Variants in AKNA observed in about 807,000 individuals in gnomAD.
AKNA encodes AT-hook transcription factor, also known as microtubule organization protein AKNA.
Under a neutral mutation model 138.8 loss-of-function variants are expected in AKNA, and 67 were observed. That is an observed-to-expected ratio of 0.48 (90% CI 0.40 to 0.59). The LOEUF is 0.59. Ranked by LOEUF, AKNA falls within the 20% of genes least tolerant of loss-of-function variation. The pLI, the probability that AKNA is intolerant of heterozygous loss-of-function variation, is 0.00. For missense variants in AKNA, 1,813 were observed against 1,880.4 expected (o/e 0.96, Z 0.66); for synonymous variants, 737 against 754.4 (o/e 0.98, Z 0.38).
chr9:114,330,802 T>G (rs747324040), downstream of AKNA: 5 of 1,613,776 alleles, frequency 3.1e-6, no homozygotes, highest in African/African-American at 4.0e-5. Flanking sequence ...CCAGAACCAG[T>G]GCTTCTATAA....
intron 11 of AKNA, 71 bp downstream of exon 11, chr9:114,359,523 C>T: frequency 6.2e-7 from 1 of 1,611,676 alleles, no homozygotes; most frequent in Non-Finnish European, 8.5e-7. Context: ...GTCTTATTCA[C>T]TCTGACAGTG....
At chr9:114,355,810 C>T (rs1163100351) in intron 14 of AKNA, 115 bp downstream of exon 14, 2 of 1,147,276 alleles carry the variant, frequency 1.7e-6, no homozygotes, top group African/African-American at 1.6e-5. Flanking sequence ...TCTGTAATTT[C>T]AAATTTCAGT....
chr9:114,351,780 A>C (rs2131853841), intron 14 of AKNA, among the ~76,000 whole-genome samples: 1 of 152,272 alleles, frequency 6.6e-6, no homozygotes, highest in African/African-American at 2.4e-5. Context: ...GCAGTGAGCC[A>C]TAATGGCGAC....
rs1192673341 is a variant in AKNA, at chr9:114,360,040, G to T, written c.2147C>A (p.Ala716Asp). The change falls in exon 10 of 22, where the codon GCC becomes GAC. Residue 716 changes from alanine to aspartate, a missense_variant. By Grantham distance (126) the Ala-to-Asp change is moderately radical. Coordinates refer to ENST00000374088, the MANE Select transcript of AKNA (RefSeq NM_001317950.2). ...GTGCAATGGGCAGGGGCCAGTGCTGGCGGCGGCAGTGGTGGTAGCAGGCTG... is the reference window on the plus strand; with the variant it reads ...GTGCAATGGGCAGGGGCCAGTGCTGTCGGCGGCAGTGGTGGTAGCAGGCTG... The part of the protein sequence containing the change: ...CPEPATTTAA[A>D]STGPCPLHVN... 2 of 1,614,230 alleles carry T rather than the reference G, an allele frequency of 1.2e-6. No homozygotes were observed. The highest frequency in any genetic ancestry group is 1.7e-6 in the Non-Finnish European group (2 of 1,180,046).
In AKNA at chr9:114,352,156, G is replaced by T. The variant is rs538438148; in HGVS notation, c.3059-1135C>A. ...GTGGTGATGGAACGTTCTGTATCTTGACTGCATCAATGTCAACATCTGGCT... is the reference window on the plus strand; with the variant it reads ...GTGGTGATGGAACGTTCTGTATCTTTACTGCATCAATGTCAACATCTGGCT... On this transcript the variant is annotated intron_variant, in intron 14 of 21. Coordinates refer to ENST00000374088, the MANE Select transcript of AKNA (RefSeq NM_001317950.2). Among the ~76,000 whole-genome samples, 19 of 152,292 alleles carry T rather than the reference G, an allele frequency of 1.2e-4. No individual in the cohort carries two copies. The East Asian group carries it at 3.3e-3, about 26-fold the overall frequency.
chr9:114,333,927 G>A (rs1220159603), downstream of AKNA, among the ~76,000 whole-genome samples: 1 of 147,062 alleles, frequency 6.8e-6, no homozygotes, highest in African/African-American at 2.6e-5. Context: ...TTGTATCACG[G>A]GGCTGGTTTC....
chr9:114,385,501 G>C (rs1312078130), intron 1 of AKNA, among the ~76,000 whole-genome samples: 1 of 152,222 alleles, frequency 6.6e-6, no homozygotes, highest in Non-Finnish European at 1.5e-5. Flanking sequence ...GAGGTGTGCG[G>C]TTTTTTGACT....
intron 1 of AKNA, among the ~76,000 whole-genome samples, chr9:114,386,420 G>C (rs1414170054): frequency 6.6e-6 from 1 of 152,186 alleles, no homozygotes; most frequent in Non-Finnish European, 1.5e-5. Context: ...TGAAAGTATG[G>C]CCTGACCTTG....
chr9:114,333,800 G>T (rs1829902522), downstream of AKNA, among the ~76,000 whole-genome samples: 1 of 150,594 alleles, frequency 6.6e-6, no homozygotes, highest in Non-Finnish European at 1.5e-5. Context: ...GTAACCTTGA[G>T]GCAGAAGACC....
At chr9:114,354,189 CT>C (rs1178322524) in intron 14 of AKNA, among the ~76,000 whole-genome samples, 7 of 151,778 alleles carry the variant, frequency 4.6e-5, no homozygotes, top group African/African-American at 1.7e-4. Context: ...CTATTTTTAA[CT>C]TTTTTTTAAA....
Position 114,383,103 on chromosome 9 carries a change from G to A in AKNA, c.-113-1657C>T, listed in dbSNP as rs961282237. On this transcript the variant is annotated intron_variant, in intron 1 of 21. Coordinates refer to ENST00000374088, the MANE Select transcript of AKNA (RefSeq NM_001317950.2). Reference sequence around the variant, plus strand: ...GGGAGTGGTTTCGCCGCCGATGGCTGGGGTATTGAACACAGGGAAAGCCCA... The same window carrying A: ...GGGAGTGGTTTCGCCGCCGATGGCTAGGGTATTGAACACAGGGAAAGCCCA... The A allele has an allele frequency of 1.5e-5, 7 of 455,442 alleles. No individual in the cohort carries two copies. In the Admixed American group the frequency reaches 1.6e-4, roughly 11 times the overall value. The allele number at this position is 455,442 out of a possible 1,614,324, so 28.2% of individuals were successfully genotyped here. A position where few individuals can be genotyped will look rare whatever the true frequency, so the allele number is the denominator to read the frequency against.
chr9:114,368,548 C>T lies in AKNA; in HGVS notation c.1464G>A (p.Thr488=), dbSNP rs62640863. 325 of 1,395,062 alleles carry T rather than the reference C, an allele frequency of 2.3e-4. 1 individual carries two copies. Among genetic ancestry groups the T allele is most frequent in the Non-Finnish European group, 2.6e-4 (282 of 1,068,382 alleles). 86.4% of individuals were successfully genotyped at this position (1,395,062 alleles called of 1,614,324 possible). ...DPPQPNHSIH[T]GMVPQGTKVL... is the part of the protein sequence containing the mutation. Reference sequence around the variant, plus strand: ...CCTTGGTCCCCTGGGGCACCATTCCCGTGTGGATGCTGTGGTTGGGCTGGG... The same window carrying T: ...CCTTGGTCCCCTGGGGCACCATTCCTGTGTGGATGCTGTGGTTGGGCTGGG... The change falls in exon 5 of 22, where the codon ACG becomes ACA. Residue 488 remains threonine, a synonymous_variant. Coordinates refer to ENST00000374088, the MANE Select transcript of AKNA (RefSeq NM_001317950.2).
upstream of AKNA, among the ~76,000 whole-genome samples, chr9:114,394,934 GA>G (rs1219928915): frequency 6.6e-6 from 1 of 152,194 alleles, no homozygotes; most frequent in Non-Finnish European, 1.5e-5. Context: ...TCCTTCCCCA[GA>G]AAAAGCTGAG....
At position 114,360,031 on chromosome 9, in the gene AKNA, C is replaced by T; in HGVS notation, c.2156G>A (p.Gly719Asp). 1 of 1,614,194 alleles carries T rather than the reference C, an allele frequency of 6.2e-7. No homozygotes were observed. Among genetic ancestry groups the T allele is most frequent in the Non-Finnish European group, 8.5e-7 (1 of 1,180,030 alleles). Residue 719 changes from glycine to aspartate, a missense_variant, in exon 10 of 22, where the codon GGC becomes GAC. Transcript: ENST00000374088. ...CACATTTACGTGCAATGGGCAGGGG[C>T]CAGTGCTGGCGGCGGCAGTGGTGGT... is the stretch of plus-strand genomic sequence containing the variant. The part of the protein sequence containing the change: ...PATTTAAAST[G>D]PCPLHVNVEV...
chr9:114,338,964 C>T (rs1348905409), intron 21 of AKNA, among the ~76,000 whole-genome samples: 3 of 152,182 alleles, frequency 2.0e-5, no homozygotes, highest in African/African-American at 4.8e-5. Context: ...ACTGTATGAA[C>T]GGGCTTCTTG....
intron 15 of AKNA, among the ~76,000 whole-genome samples, chr9:114,350,053 C>A (rs941437624): frequency 6.6e-6 from 1 of 152,186 alleles, no homozygotes; most frequent in African/African-American, 2.4e-5. Flanking sequence ...TTTGTCTGTT[C>A]ATCCTACAAG....
chr9:114,380,444 T>C (rs556264699), intron 2 of AKNA, among the ~76,000 whole-genome samples: 1 of 152,308 alleles, frequency 6.6e-6, no homozygotes, highest in Non-Finnish European at 1.5e-5. Context: ...AGGAAGCATG[T>C]AGAATACTGT....
upstream of AKNA, among the ~76,000 whole-genome samples, chr9:114,389,157 G>T (rs1020621395): frequency 6.6e-6 from 1 of 152,150 alleles, no homozygotes; most frequent in African/African-American, 2.4e-5. Context: ...CAAGTGGAAA[G>T]GCCAAGGTGG....
chr9:114,346,748 A>C lies in AKNA; in HGVS notation c.3435T>G (p.Gly1145=), dbSNP rs780313764. ...TTCCTGGAGGGACAATCTGCTCTTC[A>C]CCTCTAGGCTCACCAGGCAATCTCT... The part of the protein sequence containing the change: ...STERLPGEPR[G]EEQIVPPGRQ... The change falls in exon 17 of 22, where the codon GGT becomes GGG. Residue 1145 remains glycine (G), a synonymous_variant. Transcript: ENST00000374088. 1 of 1,612,240 alleles carries C rather than the reference A, an allele frequency of 6.2e-7. No homozygotes were observed. The highest frequency in any genetic ancestry group is 8.5e-7 in the Non-Finnish European group (1 of 1,179,252).
Sources: allele counts gnomAD v4.1 joint callset (sites outside exome capture counted in the v4.1 genomes callset), GRCh38; gene constraint gnomAD v4.1.1; transcripts MANE v1.5; gene names NCBI Gene and HGNC (gene_info 2026-07-23, HGNC 2026-07-21).